The following PLCE1 variants were observed in gnomAD, a reference collection of about 807,000 sequenced individuals.
PLCE1 encodes the protein 1-phosphatidylinositol 4,5-bisphosphate phosphodiesterase epsilon-1.
PLCE1 carries 119 observed loss-of-function variants against 242.8 expected under a neutral mutation model. That is an observed-to-expected ratio of 0.49 (90% CI 0.42 to 0.57). The LOEUF is 0.57. Ranked by LOEUF, PLCE1 falls within the 20% of genes least tolerant of loss-of-function variation. PLCE1 has a pLI of 0.00. For synonymous variants in PLCE1, 945 were observed against 1,017.4 expected (o/e 0.93, Z 1.35); for missense variants, 2,441 against 2,788.8 (o/e 0.88, Z 2.81).
chr10:94,056,603 A>G (rs960748720), intron 2 of PLCE1, among the ~76,000 whole-genome samples: 2 of 152,168 alleles, frequency 1.3e-5, no homozygotes, highest in African/African-American at 4.8e-5. Flanking sequence ...ACCATATATA[A>G]TGCTTTTTTT....
rs1259951526 is a variant in PLCE1, at chr10:94,331,129, A to G, written c.*3186A>G. 1.3e-5 allele frequency: 2 copies of G among 152,246 alleles called. No homozygotes were observed. Among genetic ancestry groups the G allele is most frequent in the Admixed American group, 6.5e-5 (1 of 15,284 alleles). The allele number at this position is 152,246 out of a possible 1,614,324, so 9.4% of individuals were successfully genotyped here. A position where few individuals can be genotyped will look rare whatever the true frequency, so the allele number is the denominator to read the frequency against. ...TCATTAGCAAGTAAAAGTTATTTAC[A>G]AATTCTCCAGTTGGGAGTCAATATG... On this transcript the variant is annotated 3_prime_UTR_variant, in exon 33 of 33. Coordinates refer to ENST00000371380, the MANE Select transcript of PLCE1 (RefSeq NM_016341.4).
intron 2 of PLCE1, among the ~76,000 whole-genome samples, chr10:94,043,162 C>T (rs926583363): frequency 2.1e-4 from 32 of 152,160 alleles, no homozygotes; most frequent in Non-Finnish European, 1.5e-5. Flanking sequence ...TCCTCTTACT[C>T]CATGCTCTAA....
intron 8 of PLCE1, among the ~76,000 whole-genome samples, chr10:94,248,418 T>C (rs2050762256): frequency 2.0e-5 from 3 of 152,110 alleles, no homozygotes; most frequent in Non-Finnish European, 4.4e-5. Flanking sequence ...CTGGCCAACA[T>C]GGCAAAATCC....
chr10:94,262,825 C>T lies in PLCE1; in HGVS notation c.4053+93C>T. ...ATGTTTATTCTTTCTATACTTCTTT[C>T]CAAAGCCTTTAAATCTGGGACAGAT... On this transcript the variant is annotated intron_variant, in intron 14 of 32. Transcript: ENST00000371380. 3.1e-6 allele frequency: 3 copies of T among 954,564 alleles called. No homozygotes were observed. In the South Asian group the frequency reaches 3.9e-5, roughly 12 times the overall value. 59.1% of individuals were successfully genotyped at this position (954,564 alleles called of 1,614,324 possible). A position where few individuals can be genotyped will look rare whatever the true frequency, so the allele number is the denominator to read the frequency against.
chr10:94,100,745 G>A (rs2045502550), intron 2 of PLCE1: 1 of 152,162 alleles, frequency 6.6e-6, no homozygotes, highest in South Asian at 2.1e-4. Flanking sequence ...TGAGTTAATT[G>A]TGTCTGCTCT....
chr10:94,262,381 G>A (rs957994840), intron 13 of PLCE1, 113 bp from the exon 14 acceptor site: 1 of 799,396 alleles, frequency 1.3e-6, no homozygotes, highest in Admixed American at 1.7e-5. Flanking sequence ...GCTTGTTTAG[G>A]TACATTAGTA....
chr10:94,181,449 G>A (rs1171425055), intron 4 of PLCE1, among the ~76,000 whole-genome samples: 7 of 152,108 alleles, frequency 4.6e-5, no homozygotes, highest in South Asian at 2.1e-4. Context: ...GGTGGCAGGC[G>A]CCTGTAGTCC....
intron 2 of PLCE1, among the ~76,000 whole-genome samples, chr10:94,093,285 CTG>C (rs1354116250): frequency 1.3e-5 from 2 of 152,184 alleles, no homozygotes; most frequent in African/African-American, 4.8e-5. Context: ...TTTTCAATAA[CTG>C]TGATTTTGAA....
At chr10:94,253,369 T>C (rs2050949394) in intron 9 of PLCE1, among the ~76,000 whole-genome samples, 1 of 151,972 alleles carries the variant, frequency 6.6e-6, no homozygotes, top group Non-Finnish European at 1.5e-5. Context: ...TTTTTTTCTC[T>C]TAGAAACAGG....
intron 3 of PLCE1, 28 bp downstream of exon 3, chr10:94,132,487 T>G (rs745839199): frequency 1.2e-6 from 2 of 1,604,430 alleles, no homozygotes; most frequent in Non-Finnish European, 1.7e-6. Flanking sequence ...ACTTTTAACT[T>G]TCTATCTTTG....
Position 94,254,177 on chromosome 10 carries a change from TTTG to T in PLCE1, c.3280-11_3280-9del. 1 of 1,582,264 alleles carries T rather than the reference TTTG, an allele frequency of 6.3e-7. No homozygotes were observed. Among genetic ancestry groups the T allele is most frequent in the Non-Finnish European group, 8.7e-7 (1 of 1,150,972 alleles). On this transcript the variant is annotated splice_polypyrimidine_tract_variant and intron_variant, in intron 9 of 32. Transcript: ENST00000371380. ...ATACAGGCTTGGAACCATCGTGAGC[TTTG>T]TGTTCCCAGGGTGAGAGTGGAGAGG...
chr10:94,015,327 A>G (rs186573007), intron 1 of PLCE1, among the ~76,000 whole-genome samples: 2 of 152,302 alleles, frequency 1.3e-5, no homozygotes, highest in East Asian at 1.9e-4. Context: ...AACCAAGGTT[A>G]TTAGTCAGGA....
Position 94,306,694 on chromosome 10 carries a change from A to C in PLCE1, c.5884+6A>C. 1 of 1,609,358 alleles carries C rather than the reference A, an allele frequency of 6.2e-7. No individual in the cohort carries two copies. Among genetic ancestry groups the C allele is most frequent in the South Asian group, 1.1e-5 (1 of 90,814 alleles). On this transcript the variant is annotated splice_donor_region_variant and intron_variant, in intron 26 of 32. Transcript: ENST00000371380. This position sits in a 1 kb window ranked among gnomAD's most constrained non-coding sequence, Gnocchi z 5.7. ...ACTGAAAGCTTTAAAACGAGGTAGA[A>C]TAAAATTGTCCAAATGTTAATAATT...
intron 8 of PLCE1, 105 bp from the exon 9 acceptor site, chr10:94,252,211 C>T (rs1478613054): frequency 1.6e-5 from 15 of 960,670 alleles, no homozygotes; most frequent in African/African-American, 4.8e-5. Flanking sequence ...CTTCTGTGGC[C>T]GTCTGTGCTC....
At chr10:94,132,774 C>T (rs1309646443) in intron 3 of PLCE1, among the ~76,000 whole-genome samples, 2 of 152,032 alleles carry the variant, frequency 1.3e-5, no homozygotes, top group Non-Finnish European at 2.9e-5. Flanking sequence ...CACGGTGGAA[C>T]ACCATCTCTA....
intron 4 of PLCE1, among the ~76,000 whole-genome samples, chr10:94,183,316 A>G (rs2048368933): frequency 6.6e-6 from 1 of 152,222 alleles, no homozygotes; most frequent in African/African-American, 2.4e-5. Context: ...TTCAGTACCA[A>G]CTTTTGTACT....
intron 2 of PLCE1, among the ~76,000 whole-genome samples, chr10:94,035,696 A>G (rs918685737): frequency 2.6e-5 from 4 of 152,164 alleles, no homozygotes; most frequent in African/African-American, 9.7e-5. Context: ...TTCAAACCAC[A>G]CCATATCAGC....
rs1314896728 is a variant in PLCE1 at position 93,993,957 on chromosome 10, C to G, written c.-666C>G. Among the ~76,000 whole-genome samples, 1 of 151,216 alleles carries G rather than the reference C, an allele frequency of 6.6e-6. No individual in the cohort carries two copies. Among genetic ancestry groups the G allele is most frequent in the African/African-American group, 2.4e-5 (1 of 41,344 alleles). ...GGCAGCGCGCACATCTCGGCGGGAGCGGACTGTGAACGGCGCGGGTCCACA... is the reference window on the plus strand; with the variant it reads ...GGCAGCGCGCACATCTCGGCGGGAGGGGACTGTGAACGGCGCGGGTCCACA... On this transcript the variant is annotated 5_prime_UTR_variant, in exon 1 of 33. Transcript: ENST00000371380.
At chr10:94,139,849 C>A (rs1319717211) in intron 3 of PLCE1, among the ~76,000 whole-genome samples, 1 of 152,136 alleles carries the variant, frequency 6.6e-6, no homozygotes, top group Non-Finnish European at 1.5e-5. Context: ...ATCCTCTGTT[C>A]TTTCCAGGTT....
Sources: allele counts gnomAD v4.1 joint callset (sites outside exome capture counted in the v4.1 genomes callset), GRCh38; gene constraint gnomAD v4.1.1; non-coding constraint Gnocchi (gnomAD v3.1); transcripts MANE v1.5; gene names NCBI Gene and HGNC (gene_info 2026-07-23, HGNC 2026-07-21).